Variants in FTO observed in about 807,000 individuals in gnomAD.
The protein encoded by FTO is alpha-ketoglutarate-dependent dioxygenase FTO.
FTO carries 47 observed loss-of-function variants against 63.9 expected under a neutral mutation model. The ratio of observed to expected loss-of-function variants is 0.74; its 90% CI spans 0.58 to 0.94. The LOEUF (loss-of-function observed/expected upper bound fraction) is 0.94. FTO is among the 40% of genes least tolerant of loss of function. FTO has a pLI of 0.00. For missense variants in FTO, 562 were observed against 618.1 expected, an observed-to-expected ratio of 0.91 and a Z score of 0.96; for synonymous variants, 207 against 224.4, an observed-to-expected ratio of 0.92 and a Z score of 0.69.
intron 3 of FTO, among the ~76,000 whole-genome samples, chr16:53,839,237 G>A (rs2079393731): frequency 6.6e-6 from 1 of 152,112 alleles, no homozygotes; most frequent in South Asian, 2.1e-4. Flanking sequence ...GTGGGAGCTG[G>A]GAGCTGGGAG....
chr16:53,907,879 G>T (rs916183854), intron 7 of FTO, among the ~76,000 whole-genome samples: 1 of 152,136 alleles, frequency 6.6e-6, no homozygotes, highest in Non-Finnish European at 1.5e-5. Context: ...ACTAGATCAG[G>T]TCCCTGCACT....
At chr16:54,022,362 A>C (rs1250236384) in intron 8 of FTO, among the ~76,000 whole-genome samples, 1 of 152,210 alleles carries the variant, frequency 6.6e-6, no homozygotes, top group Admixed American at 6.5e-5. Context: ...TGAAGAAGAA[A>C]GATGGATAAA....
intron 8 of FTO, among the ~76,000 whole-genome samples, chr16:53,988,307 A>T (rs1315288828): frequency 6.6e-6 from 1 of 152,172 alleles, no homozygotes; most frequent in Non-Finnish European, 1.5e-5. Context: ...AAATAACTTA[A>T]TGTACTTTGA....
intron 8 of FTO, among the ~76,000 whole-genome samples, chr16:54,022,132 A>G (rs1314512452): frequency 6.6e-6 from 1 of 152,150 alleles, no homozygotes; most frequent in African/African-American, 2.4e-5. Context: ...GGAAGAAAAA[A>G]ACAAAAAAAC....
chr16:53,866,009 G>A (rs765246642), intron 4 of FTO, among the ~76,000 whole-genome samples: 13 of 152,194 alleles, frequency 8.5e-5, no homozygotes, highest in Middle Eastern at 3.4e-3. Flanking sequence ...GTTTCATACC[G>A]CTAAGTATGA....
intron 8 of FTO, among the ~76,000 whole-genome samples, chr16:53,976,534 G>T (rs2083442082): frequency 6.6e-6 from 1 of 151,732 alleles, no homozygotes; most frequent in Non-Finnish European, 1.5e-5. Context: ...TTTCTTTTTA[G>T]AAAATTTCGT....
At chr16:54,046,967 G>A (rs1287504348) in intron 8 of FTO, among the ~76,000 whole-genome samples, 1 of 138,190 alleles carries the variant, frequency 7.2e-6, no homozygotes, top group Non-Finnish European at 1.6e-5. Flanking sequence ...AATTCAAGAT[G>A]GATTAAAGAT....
At chr16:54,006,868 G>A (rs2084219332) in intron 8 of FTO, among the ~76,000 whole-genome samples, 1 of 152,168 alleles carries the variant, frequency 6.6e-6, no homozygotes, top group Admixed American at 6.5e-5. Context: ...GTTTGTCACT[G>A]TGAGAAATGG....
chr16:53,867,327 T>A (rs2080347195), intron 4 of FTO, among the ~76,000 whole-genome samples: 1 of 151,862 alleles, frequency 6.6e-6, no homozygotes. Context: ...AGAAGAAGAA[T>A]GATATAGATC....
At chr16:53,760,342 G>A (rs2077036145) in intron 1 of FTO, among the ~76,000 whole-genome samples, 1 of 151,542 alleles carries the variant, frequency 6.6e-6, no homozygotes, top group African/African-American at 2.4e-5. Flanking sequence ...TGACCTCTGA[G>A]GTTCAAAATC....
At chr16:53,723,776 G>A (rs2151493980) in intron 1 of FTO, among the ~76,000 whole-genome samples, 1 of 152,276 alleles carries the variant, frequency 6.6e-6, no homozygotes, top group South Asian at 2.1e-4. Context: ...GGTAACCTAG[G>A]TTTAGGTCTA....
chr16:54,014,778 A>G (rs2084397467), intron 8 of FTO, among the ~76,000 whole-genome samples: 1 of 151,462 alleles, frequency 6.6e-6, no homozygotes, highest in Admixed American at 6.6e-5. Context: ...AGTGTGTTCT[A>G]TAAAATGCAC....
intron 1 of FTO, among the ~76,000 whole-genome samples, chr16:53,747,022 A>T (rs568448015): frequency 6.6e-6 from 1 of 152,156 alleles, no homozygotes; most frequent in Non-Finnish European, 1.5e-5. Context: ...TGTTGCTGCA[A>T]ATGACAAAAT....
chr16:53,762,648 A>G lies in FTO; in HGVS notation c.46-47492A>G, dbSNP rs573612493. The stretch of plus-strand genomic sequence containing the variant: ...CTGATGCCATACAACTCACCACTCT[A>G]TGATCTTAAAAGCAAAACAGAAAGA... On this transcript the variant is annotated intron_variant, in intron 1 of 8. Coordinates refer to ENST00000471389, the MANE Select transcript of FTO (RefSeq NM_001080432.3). 4.6e-5 allele frequency among the ~76,000 whole-genome samples: 7 copies of G among 152,172 alleles called. No homozygotes were observed. The South Asian group carries it at 8.3e-4, about 18-fold the overall frequency.
At chr16:53,911,228 G>A in intron 7 of FTO, 1 of 604,190 alleles carries the variant, frequency 1.7e-6, no homozygotes, top group Non-Finnish European at 3.0e-6. Context: ...CAGTGGCTGA[G>A]CGATTGGAGT....
intron 8 of FTO, chr16:54,071,143 T>G (rs1200665212): frequency 6.6e-6 from 1 of 152,194 alleles, no homozygotes; most frequent in South Asian, 2.1e-4. Flanking sequence ...GAAACAAACT[T>G]AGGCCCTCTC....
At chr16:54,028,015 G>C (rs982471658) in intron 8 of FTO, among the ~76,000 whole-genome samples, 2 of 151,962 alleles carry the variant, frequency 1.3e-5, no homozygotes, top group African/African-American at 2.4e-5. Flanking sequence ...GTTTTGGGGG[G>C]CTTTTTTTAA....
intron 8 of FTO, among the ~76,000 whole-genome samples, chr16:54,000,394 C>T (rs572659593): frequency 6.6e-6 from 1 of 152,264 alleles, no homozygotes; most frequent in Admixed American, 6.5e-5. Flanking sequence ...GGCATTTGAG[C>T]TCAAGTCAGA....
At chr16:54,037,060 C>T (rs1173784319) in intron 8 of FTO, among the ~76,000 whole-genome samples, 3 of 152,182 alleles carry the variant, frequency 2.0e-5, no homozygotes, top group Non-Finnish European at 4.4e-5. Flanking sequence ...AGATGGTTAC[C>T]AATGGGTTTT....
Sources: allele counts gnomAD v4.1 joint callset (sites outside exome capture counted in the v4.1 genomes callset), GRCh38; gene constraint gnomAD v4.1.1; transcripts MANE v1.5; gene names NCBI Gene and HGNC (gene_info 2026-07-23, HGNC 2026-07-21).